Variants in TRAPPC10 observed in about 807,000 individuals in gnomAD.
The protein encoded by TRAPPC10 is trafficking protein particle complex subunit 10, also known as TRAPP 130 kDa subunit.
In TRAPPC10, 23 loss-of-function variants were observed where a neutral mutation model predicts 125.5. The ratio of observed to expected loss-of-function variants is 0.18; its 90% CI spans 0.13 to 0.26. The LOEUF (loss-of-function observed/expected upper bound fraction) is 0.26, where lower values mean the gene tolerates loss of function less well. TRAPPC10 is among the 10% of genes least tolerant of loss of function. The probability of loss-of-function intolerance (pLI) is 1.00; values close to 1 mark genes in which losing one functional copy is unlikely to be tolerated. For missense variants in TRAPPC10, 1,123 were observed against 1,308.4 expected (o/e 0.86, Z 2.19); for synonymous variants, 509 against 518.0 (o/e 0.98, Z 0.24).
Position 44,021,945 on chromosome 21 carries a change from AT to A in TRAPPC10, c.67+9395del, listed in dbSNP as rs1398992725. Among the ~76,000 whole-genome samples the A allele has an allele frequency of 6.7e-5, 10 of 149,418 alleles. No individual in the cohort carries two copies. In the East Asian group the frequency reaches 1.2e-3, roughly 17 times the overall value. On this transcript the variant is annotated intron_variant, in intron 1 of 22. Coordinates refer to ENST00000291574, the MANE Select transcript of TRAPPC10 (RefSeq NM_003274.5). ...CAGAGCTATGAGAAAATACATTGCG[AT>A]TTTTTTTTTCTTTCTTAGGGTCTTT...
At chr21:44,064,307 G>C (rs893185217) in intron 7 of TRAPPC10, among the ~76,000 whole-genome samples, 35 of 66,204 alleles carry the variant, frequency 5.3e-4, no homozygotes, top group Non-Finnish European at 4.6e-4. Context: ...ATAAATATGT[G>C]TGTGTGTGTG....
chr21:44,062,850 G>C (rs1050001042), intron 6 of TRAPPC10: 16 of 985,328 alleles, frequency 1.6e-5, no homozygotes, highest in Non-Finnish European at 1.9e-5. Context: ...CCTCTCTGTT[G>C]AAGTGAGAAA....
At position 44,052,377 on chromosome 21, in the gene TRAPPC10, T is replaced by C; in HGVS notation, c.383T>C (p.Val128Ala). The change falls in exon 4 of 23, where the codon GTT (valine) becomes GCT (alanine). Residue 128 changes from valine (V) to alanine (A), a missense_variant. Around this residue, in one of 4 missense-constraint regions of TRAPPC10, gnomAD observed 177 missense variants for 228.9 expected, o/e 0.77. Transcript: ENST00000291574. ...TCTGTGGACTGGTTAATAGTGATAG[T>C]TGAAAATGATGCCAAGAAAAAAAAC... ...HSSVDWLIVI[V>A]ENDAKKKNKT... The C allele has an allele frequency of 1.2e-6, 2 of 1,614,104 alleles. No individual in the cohort carries two copies. The highest frequency in any genetic ancestry group is 1.7e-6 in the Non-Finnish European group (2 of 1,180,020).
chr21:44,020,869 A>G (rs540089550), intron 1 of TRAPPC10, among the ~76,000 whole-genome samples: 3 of 152,268 alleles, frequency 2.0e-5, no homozygotes, highest in African/African-American at 7.2e-5. Flanking sequence ...GTGACTGGCC[A>G]TGATCAGTGT....
chr21:44,088,039 C>T (rs1339392461), intron 17 of TRAPPC10, 111 bp downstream of exon 17: 16 of 910,510 alleles, frequency 1.8e-5, no homozygotes, highest in South Asian at 7.9e-5. Context: ...TTCTGATTCC[C>T]GATGCCCTGG....
intron 1 of TRAPPC10, among the ~76,000 whole-genome samples, chr21:44,014,617 CAG>C (rs1415291119): frequency 2.1e-5 from 3 of 144,226 alleles, no homozygotes; most frequent in Admixed American, 7.0e-5. Flanking sequence ...TCAGTAGAGA[CAG>C]AGTTTCACCA....
intron 1 of TRAPPC10, among the ~76,000 whole-genome samples, chr21:44,023,858 A>G (rs2032805918): frequency 6.6e-6 from 1 of 152,198 alleles, no homozygotes; most frequent in Non-Finnish European, 1.5e-5. Context: ...AGCCCACTGC[A>G]ACCTCTGCCT....
intron 2 of TRAPPC10, among the ~76,000 whole-genome samples, chr21:44,033,349 A>G (rs908074677): frequency 3.3e-5 from 5 of 152,176 alleles, no homozygotes; most frequent in African/African-American, 4.8e-5. Context: ...TGTGCTGATT[A>G]TAGTGTCTTA....
chr21:44,080,244 C>T, intron 13 of TRAPPC10, 117 bp downstream of exon 13: 1 of 890,024 alleles, frequency 1.1e-6, no homozygotes, highest in Admixed American at 2.2e-5. Context: ...TGCTGTGTAG[C>T]TGACATGTAT....
intron 7 of TRAPPC10, among the ~76,000 whole-genome samples, chr21:44,068,091 A>T (rs1408969027): frequency 6.6e-6 from 1 of 151,220 alleles, no homozygotes; most frequent in Non-Finnish European, 1.5e-5. Flanking sequence ...CTGCACTCCA[A>T]CTGGGCAAAA....
chr21:44,057,508 G>A (rs145291658), intron 5 of TRAPPC10, among the ~76,000 whole-genome samples: 63 of 152,170 alleles, frequency 4.1e-4, no homozygotes, highest in African/African-American at 1.4e-3. Context: ...ATATTGCCCA[G>A]GCTGGTCTCA....
intron 13 of TRAPPC10, among the ~76,000 whole-genome samples, chr21:44,080,479 G>A (rs1205121197): frequency 1.3e-5 from 2 of 151,640 alleles, no homozygotes; most frequent in African/African-American, 2.4e-5. Context: ...ATTACATGTG[G>A]TTGTTAGATC....
intron 1 of TRAPPC10, among the ~76,000 whole-genome samples, chr21:44,023,807 C>T (rs569319969): frequency 1.3e-5 from 2 of 152,322 alleles, no homozygotes; most frequent in East Asian, 1.9e-4. Flanking sequence ...GAGACAGGCT[C>T]TTACTCTGTT....
Position 44,012,487 on chromosome 21 carries a change from G to A in TRAPPC10, c.-7G>A, listed in dbSNP as rs1242873126. The A allele has an allele frequency of 1.3e-6, 2 of 1,482,012 alleles. No homozygotes were observed. Among genetic ancestry groups the A allele is most frequent in the Non-Finnish European group, 1.8e-6 (2 of 1,109,534 alleles). The allele number at this position is 1,482,012 out of a possible 1,614,324, so 91.8% of individuals were successfully genotyped here. A position where few individuals can be genotyped will look rare whatever the true frequency, so the allele number is the denominator to read the frequency against. ...GCGGGGGGCCGGGCCGGTGACGCCG[G>A]ACGCCCATGGACGCCTCTGAGGAGC... On this transcript the variant is annotated 5_prime_UTR_variant, in exon 1 of 23. Coordinates refer to ENST00000291574, the MANE Select transcript of TRAPPC10 (RefSeq NM_003274.5).
At position 44,055,714 on chromosome 21, in the gene TRAPPC10, G is replaced by C; in HGVS notation, c.499G>C (p.Asp167His). The C allele has an allele frequency of 6.2e-7, 1 of 1,607,756 alleles. No homozygotes were observed. The highest frequency in any genetic ancestry group is 8.5e-7 in the Non-Finnish European group (1 of 1,174,930). The change falls in exon 5 of 23, where the codon GAC becomes CAC. Residue 167 changes from aspartate to histidine, a missense_variant. Asp to His is a moderately conservative substitution (Grantham distance 81, BLOSUM62 -1). Coordinates refer to ENST00000291574, the MANE Select transcript of TRAPPC10 (RefSeq NM_003274.5). ...TCTTTGCAGGTGTGTTGTGCTCTCC[G>C]ACCCCTTGAAGGACTCTTCTCGAAC... is the stretch of plus-strand genomic sequence containing the variant. ...KQSDRCVVLS[D>H]PLKDSSRTQE...
At position 44,087,919 on chromosome 21, in the gene TRAPPC10, A is replaced by G. The variant is rs767421952; in HGVS notation, c.2760A>G (p.Thr920=). The change falls in exon 17 of 23, where the codon ACA becomes ACG. Residue 920 remains threonine (T), a synonymous_variant. Transcript: ENST00000291574. This position sits in a 1 kb window ranked among gnomAD's most constrained non-coding sequence, Gnocchi z 4.6. ...GAACTGGCCGCTGCATGGTTACCACAGACCACAAAGTGAGTAGGGACAGTG... is the reference window on the plus strand; with the variant it reads ...GAACTGGCCGCTGCATGGTTACCACGGACCACAAAGTGAGTAGGGACAGTG... ...KQRTGRCMVT[T]DHKVSIDCPW... is the part of the protein sequence containing the mutation. The G allele has an allele frequency of 6.2e-7, 1 of 1,613,216 alleles. No individual in the cohort carries two copies. Among genetic ancestry groups the G allele is most frequent in the South Asian group, 1.1e-5 (1 of 90,980 alleles).
chr21:44,083,321 A>C lies in TRAPPC10; in HGVS notation c.2238+19A>C. ...GACTCAGGTATGCGTTCAGGGTGGG[A>C]ACTTGACTTTCAAGTTTGTAAAGCA... On this transcript the variant is annotated intron_variant, in intron 14 of 22. Coordinates refer to ENST00000291574, the MANE Select transcript of TRAPPC10 (RefSeq NM_003274.5). 6.2e-7 allele frequency: 1 copy of C among 1,603,246 alleles called. No individual in the cohort carries two copies. The highest frequency in any genetic ancestry group is 1.3e-5 in the African/African-American group (1 of 74,604).
At chr21:44,041,240 C>CTTTTTTT (rs1295381645) in intron 3 of TRAPPC10, among the ~76,000 whole-genome samples, 1 of 152,138 alleles carries the variant, frequency 6.6e-6, no homozygotes, top group African/African-American at 2.4e-5. Context: ...GGGCCAGGTA[C>CTTTTTTT]TTTTTTGTAA....
At chr21:44,075,457 G>T (rs879687829) in intron 9 of TRAPPC10, among the ~76,000 whole-genome samples, 1 of 151,922 alleles carries the variant, frequency 6.6e-6, no homozygotes, top group Admixed American at 6.6e-5. Flanking sequence ...AATTACAGAT[G>T]ATCTGTTTTT....
Sources: allele counts gnomAD v4.1 joint callset (sites outside exome capture counted in the v4.1 genomes callset), GRCh38; gene constraint gnomAD v4.1.1; regional missense constraint gnomAD v4.1.1; non-coding constraint Gnocchi (gnomAD v3.1); transcripts MANE v1.5; gene names NCBI Gene and HGNC (gene_info 2026-07-23, HGNC 2026-07-21).